RNF185: variants seen among roughly 807,000 people sequenced by gnomAD.
RNF185 encodes E3 ubiquitin-protein ligase RNF185.
A neutral mutation model predicts 24.9 loss-of-function variants in RNF185; 13 were observed. That is an observed-to-expected ratio of 0.52 (90% CI 0.34 to 0.83). The LOEUF (loss-of-function observed/expected upper bound fraction) is 0.83, where lower values mean the gene tolerates loss of function less well. RNF185 is among the 40% of genes least tolerant of loss of function. RNF185 has a pLI of 0.01. For synonymous variants in RNF185, 79 were observed against 90.3 expected (o/e 0.88, Z 0.71); for missense variants, 184 against 244.7 (o/e 0.75, Z 1.65).
At chr22:31,190,713 C>T (rs927465458) in intron 2 of RNF185, among the ~76,000 whole-genome samples, 3 of 152,096 alleles carry the variant, frequency 2.0e-5, no homozygotes, top group Non-Finnish European at 4.4e-5. Flanking sequence ...AAGTGATTCT[C>T]GTGCTTCAGC....
chr22:31,176,918 A>G lies in RNF185; in HGVS notation c.-48-10129A>G, dbSNP rs1402990225. Among the ~76,000 whole-genome samples, 5 of 152,300 alleles carry G rather than the reference A, an allele frequency of 3.3e-5. No homozygotes were observed. The East Asian group carries it at 9.6e-4, about 29-fold the overall frequency. The stretch of plus-strand genomic sequence containing the variant: ...GACGTACCAGTTTATTTAACCAGGT[A>G]ATGGGAGCTAGTTGGGGAGAAAAAG... On this transcript the variant is annotated intron_variant, in intron 1 of 6. Coordinates refer to ENST00000326132, the MANE Select transcript of RNF185 (RefSeq NM_152267.4).
chr22:31,172,031 A>T (rs1274970850), intron 1 of RNF185, among the ~76,000 whole-genome samples: 4 of 152,214 alleles, frequency 2.6e-5, no homozygotes, highest in South Asian at 2.1e-4. Context: ...ATTAAAATTT[A>T]AAAAGTTTTC....
At chr22:31,187,991 G>C (rs1417330798) in intron 2 of RNF185, among the ~76,000 whole-genome samples, 1 of 151,960 alleles carries the variant, frequency 6.6e-6, no homozygotes, top group Non-Finnish European at 1.5e-5. Context: ...ATCAAAAAAT[G>C]CTAGGTAAAG....
chr22:31,162,925 T>C (rs1471231633), intron 1 of RNF185, among the ~76,000 whole-genome samples: 1 of 151,894 alleles, frequency 6.6e-6, no homozygotes, highest in Non-Finnish European at 1.5e-5. Flanking sequence ...CCCCGATGAC[T>C]GGCTAATTTT....
At chr22:31,165,313 A>G (rs965947200) in intron 1 of RNF185, among the ~76,000 whole-genome samples, 2 of 152,148 alleles carry the variant, frequency 1.3e-5, no homozygotes, top group Admixed American at 6.6e-5. Flanking sequence ...GTGGGTGTGA[A>G]GTGATATCTC....
intron 1 of RNF185, among the ~76,000 whole-genome samples, chr22:31,169,900 C>G (rs1924171860): frequency 6.6e-6 from 1 of 152,148 alleles, no homozygotes; most frequent in South Asian, 2.1e-4. Context: ...GAGTCCATCT[C>G]TTCATTTCAT....
chr22:31,167,832 C>T (rs762734425), intron 1 of RNF185, among the ~76,000 whole-genome samples: 29 of 152,158 alleles, frequency 1.9e-4, no homozygotes, highest in Non-Finnish European at 2.9e-4. Context: ...AGGCTGGTCT[C>T]GAACGCCTGA....
intron 1 of RNF185, among the ~76,000 whole-genome samples, chr22:31,166,654 C>CTCTTCT (rs1288903268): frequency 6.8e-6 from 1 of 147,346 alleles, no homozygotes; most frequent in Non-Finnish European, 1.5e-5. Context: ...CTTCCTCTTC[C>CTCTTCT]TCTTCTTCTT....
At chr22:31,195,390 TG>T (rs1176486328) in intron 3 of RNF185, 78 bp from the exon 4 acceptor site, 1 of 895,646 alleles carries the variant, frequency 1.1e-6, no homozygotes, top group Non-Finnish European at 1.7e-6. Flanking sequence ...GCCTCTGGCC[TG>T]TGTTGTTCTG....
chr22:31,173,441 A>ACACACACACACG (rs1218998678), intron 1 of RNF185, among the ~76,000 whole-genome samples: 3 of 151,390 alleles, frequency 2.0e-5, no homozygotes, highest in African/African-American at 7.3e-5. Context: ...ACACACACAC[A>ACACACACACACG]CGTATGTATA....
At chr22:31,173,477 C>T (rs2047952102) in intron 1 of RNF185, among the ~76,000 whole-genome samples, 1 of 151,224 alleles carries the variant, frequency 6.6e-6, no homozygotes, top group Non-Finnish European at 1.5e-5. Context: ...AGGCACCTAG[C>T]CCTGTGCTGA....
chr22:31,176,146 T>C (rs901007869), intron 1 of RNF185, among the ~76,000 whole-genome samples: 1 of 152,204 alleles, frequency 6.6e-6, no homozygotes, highest in African/African-American at 2.4e-5. Context: ...TTAAGAAATT[T>C]GTCCATAAGT....
At position 31,189,453 on chromosome 22, in the gene RNF185, G is replaced by A. The variant is rs117940116; in HGVS notation, c.176+2183G>A. 5.3e-3 allele frequency among the ~76,000 whole-genome samples: 798 copies of A among 150,062 alleles called. 7 individuals are homozygous for A. Among genetic ancestry groups the A allele is most frequent in the Middle Eastern group, 0.017 (5 of 288 alleles). Reference sequence around the variant, plus strand: ...ACTGCAGGAATGCACCACCACGCCCGGCTAATTTTCTTTTTGTATTTTTAG... The same window carrying A: ...ACTGCAGGAATGCACCACCACGCCCAGCTAATTTTCTTTTTGTATTTTTAG... On this transcript the variant is annotated intron_variant, in intron 2 of 6. Coordinates refer to ENST00000326132, the MANE Select transcript of RNF185 (RefSeq NM_152267.4).
intron 1 of RNF185, among the ~76,000 whole-genome samples, chr22:31,184,517 G>A (rs964380895): frequency 6.6e-6 from 1 of 152,104 alleles, no homozygotes. Context: ...ATGGGGTGGC[G>A]GCCGGGCAGA....
intron 2 of RNF185, among the ~76,000 whole-genome samples, chr22:31,191,940 A>G (rs2048160505): frequency 6.6e-6 from 1 of 151,534 alleles, no homozygotes; most frequent in African/African-American, 2.4e-5. Context: ...ACTAGAAGTC[A>G]GGAGACTTTT....
rs772123946 is a variant in RNF185 at position 31,187,236 on chromosome 22, G to A, written c.142G>A (p.Asp48Asn). Residue 48 changes from aspartate (D) to asparagine (N), a missense_variant, in exon 2 of 7, where the codon GAT (aspartate) becomes AAT (asparagine). By Grantham distance (23) the Asp-to-Asn change is conservative. Coordinates refer to ENST00000326132, the MANE Select transcript of RNF185 (RefSeq NM_152267.4). ...ECNICLDTAK[D>N]AVISLCGHLF... The stretch of plus-strand genomic sequence containing the variant: ...CAACATCTGCTTGGACACAGCCAAG[G>A]ATGCCGTCATCAGCCTGTGTGGCCA... 1 of 1,614,134 alleles carries A rather than the reference G, an allele frequency of 6.2e-7. No homozygotes were observed. Among genetic ancestry groups the A allele is most frequent in the Non-Finnish European group, 8.5e-7 (1 of 1,179,984 alleles).
intron 1 of RNF185, among the ~76,000 whole-genome samples, chr22:31,166,344 C>T (rs763599871): frequency 3.3e-5 from 5 of 152,136 alleles, no homozygotes; most frequent in African/African-American, 4.8e-5. Context: ...CCTCTCCCCA[C>T]CCTAGTCATC....
rs568490248 is a variant in RNF185 at position 31,169,748 on chromosome 22, A to T, written c.-49+9445A>T. The stretch of plus-strand genomic sequence containing the variant: ...TTTTTTGTAGAGATGGGGTTTTGCC[A>T]TGTTACCCAGGCTGGTCTCAAACTT... On this transcript the variant is annotated intron_variant, in intron 1 of 6. Transcript: ENST00000326132. Among the ~76,000 whole-genome samples, 9 of 152,112 alleles carry T rather than the reference A, an allele frequency of 5.9e-5. No individual in the cohort carries two copies. In the East Asian group the frequency reaches 1.7e-3, roughly 29 times the overall value.
At chr22:31,180,920 T>A (rs891287379) in intron 1 of RNF185, among the ~76,000 whole-genome samples, 1 of 87,904 alleles carries the variant, frequency 1.1e-5, no homozygotes, top group African/African-American at 4.6e-5. Flanking sequence ...TCTCTCTGTG[T>A]GTGTGTGTGT....
Sources: gnomAD v4.1 joint callset for allele counts (sites outside exome capture counted in the v4.1 genomes callset) on GRCh38, gnomAD v4.1.1 for gene constraint, MANE v1.5 for transcripts, NCBI Gene and HGNC (gene_info 2026-07-23, HGNC 2026-07-21) for gene names.